Variants in ZC3H12B observed in about 807,000 individuals in gnomAD.
ZC3H12B encodes the protein zinc finger CCCH-type containing 12B.
Under a neutral mutation model 43.9 loss-of-function variants are expected in ZC3H12B, and 7 were observed. That is an observed-to-expected ratio of 0.16 (90% CI 0.09 to 0.30). ZC3H12B has a LOEUF of 0.30. Ranked by LOEUF, ZC3H12B falls within the 10% of genes least tolerant of loss-of-function variation. The pLI, the probability that ZC3H12B is intolerant of heterozygous loss-of-function variation, is 1.00. For synonymous variants in ZC3H12B, 222 were observed against 241.7 expected, an observed-to-expected ratio of 0.92 and a Z score of 0.76; for missense variants, 475 against 670.2, an observed-to-expected ratio of 0.71 and a Z score of 3.22.
chrX:65,466,007 G>A (rs1037664998), intron 3 of ZC3H12B, among the ~76,000 whole-genome samples: 2 of 110,275 alleles, frequency 1.8e-5, no homozygotes, highest in Non-Finnish European at 3.8e-5. Context: ...TATATGTGAT[G>A]AGCACACTTG....
intron 3 of ZC3H12B, among the ~76,000 whole-genome samples, chrX:65,435,971 C>G (rs1042064700): frequency 2.7e-5 from 3 of 111,949 alleles, no homozygotes; most frequent in Non-Finnish European, 5.6e-5. Flanking sequence ...CACATTGCTT[C>G]AAATAACTAC....
the ZC3H12B span, among the ~76,000 whole-genome samples, chrX:65,136,312 G>T: frequency 2.7e-5 from 3 of 111,071 alleles, no homozygotes; most frequent in Non-Finnish European, 3.8e-5. Context: ...CTGGGTAGGG[G>T]TGAGAGTTTT....
the ZC3H12B span, among the ~76,000 whole-genome samples, chrX:65,160,718 G>A: frequency 9.0e-6 from 1 of 111,425 alleles, no homozygotes; most frequent in African/African-American, 3.3e-5. Flanking sequence ...CCAGTGCCTG[G>A]ATTAATTAAT....
chrX:65,385,590 A>C lies in ZC3H12B; in HGVS notation n.296-13003A>C, dbSNP rs189384801. ...TTTCTAAATATACAATATCATCTGC[A>C]AACAGGGACAATTTGACTTCCTCTT... On this transcript the variant is annotated intron_variant and non_coding_transcript_variant, in intron 2 of 5. Coordinates refer to the ZC3H12B transcript ENST00000617377. 2.2e-3 allele frequency among the ~76,000 whole-genome samples: 245 copies of C among 111,922 alleles called. 1 individual carries two copies. The highest frequency in any genetic ancestry group is 7.6e-3 in the African/African-American group (234 of 30,817).
At chrX:65,468,996 C>G (rs7065069) in intron 3 of ZC3H12B, 14,545 of 109,863 alleles carry the variant, frequency 0.13, 2,384 homozygotes, top group African/African-American at 0.45. Flanking sequence ...TGTAAGAAGG[C>G]ACTCACGAGG....
the ZC3H12B span, among the ~76,000 whole-genome samples, chrX:65,188,406 C>T: frequency 5.2e-5 from 5 of 96,719 alleles, no homozygotes; most frequent in African/African-American, 1.5e-4. Context: ...TTATTCATAG[C>T]GGTTTTACTA....
chrX:65,184,045 T>C, the ZC3H12B span, among the ~76,000 whole-genome samples: 2 of 111,204 alleles, frequency 1.8e-5, no homozygotes, highest in African/African-American at 6.5e-5. Flanking sequence ...TTGAACTTGT[T>C]CAGTTTTGAA....
chrX:65,361,391 G>A, the ZC3H12B span, among the ~76,000 whole-genome samples: 1 of 111,470 alleles, frequency 9.0e-6, no homozygotes, highest in African/African-American at 3.3e-5. Context: ...AAAAGATTTT[G>A]GGCACTCAAA....
the ZC3H12B span, among the ~76,000 whole-genome samples, chrX:65,190,874 G>A: frequency 9.5e-6 from 1 of 105,770 alleles, no homozygotes; most frequent in African/African-American, 3.6e-5. Context: ...CCTGTCTTGT[G>A]CCAGTTTTCA....
At chrX:65,227,423 G>A in the ZC3H12B span, among the ~76,000 whole-genome samples, 2 of 111,357 alleles carry the variant, frequency 1.8e-5, no homozygotes, top group African/African-American at 3.3e-5. Flanking sequence ...GCCCACAAGA[G>A]AAAGCAGGAA....
At chrX:65,459,138 A>T (rs1384070659) in intron 3 of ZC3H12B, among the ~76,000 whole-genome samples, 1 of 111,571 alleles carries the variant, frequency 9.0e-6, no homozygotes, top group Non-Finnish European at 1.9e-5. Flanking sequence ...CGACACATAC[A>T]CTCTCCCAAG....
the ZC3H12B span, among the ~76,000 whole-genome samples, chrX:65,286,714 T>C: frequency 9.1e-6 from 1 of 110,302 alleles, no homozygotes; most frequent in Non-Finnish European, 1.9e-5. Flanking sequence ...TTTATACTTA[T>C]ATACATAGGT....
At chrX:65,450,031 G>A (rs960040193) in intron 3 of ZC3H12B, among the ~76,000 whole-genome samples, 8 of 110,258 alleles carry the variant, frequency 7.3e-5, no homozygotes. Flanking sequence ...TTTAGGCTGG[G>A]CGTGGTAACT....
At chrX:65,223,414 G>A in the ZC3H12B span, among the ~76,000 whole-genome samples, 2 of 112,257 alleles carry the variant, frequency 1.8e-5, no homozygotes, top group African/African-American at 3.2e-5. Flanking sequence ...ATTGGCTTAG[G>A]CAAAGACTTC....
the ZC3H12B span, among the ~76,000 whole-genome samples, chrX:65,269,594 G>A: frequency 9.1e-6 from 1 of 110,194 alleles, no homozygotes; most frequent in African/African-American, 3.3e-5. Flanking sequence ...CAACTTTCTG[G>A]CCACAAGCAA....
the ZC3H12B span, among the ~76,000 whole-genome samples, chrX:65,253,250 G>A: frequency 1.8e-5 from 2 of 112,218 alleles, no homozygotes; most frequent in African/African-American, 6.5e-5. Context: ...AGGAAGCAGG[G>A]AACCCTGCAT....
At chrX:65,401,196 T>A in intron 3 of ZC3H12B, among the ~76,000 whole-genome samples, 1 of 111,491 alleles carries the variant, frequency 9.0e-6, no homozygotes, top group Non-Finnish European at 1.9e-5. Flanking sequence ...AAAACATTCC[T>A]GAATCTCAAA....
intron 3 of ZC3H12B, chrX:65,469,220 C>A (rs2067871593): frequency 8.8e-6 from 2 of 227,948 alleles, no homozygotes; most frequent in African/African-American, 2.9e-5. Flanking sequence ...CACAGCAGAG[C>A]AACAAGCTGC....
the ZC3H12B span, among the ~76,000 whole-genome samples, chrX:65,304,338 C>T: frequency 6.3e-5 from 7 of 111,758 alleles, no homozygotes; most frequent in East Asian, 8.4e-4. Context: ...TTTACCCGAC[C>T]GGGTGCGGTG....
Sources: allele counts gnomAD v4.1 joint callset (sites outside exome capture counted in the v4.1 genomes callset), GRCh38; gene constraint gnomAD v4.1.1; transcripts MANE v1.5; gene names NCBI Gene and HGNC (gene_info 2026-07-23, HGNC 2026-07-21).